COLEC10: variants seen among roughly 807,000 people sequenced by gnomAD.
COLEC10 encodes the protein collectin subfamily member 10, also known as collectin-10.
In COLEC10, 22 loss-of-function variants were observed where a neutral mutation model predicts 28.4. The observed-to-expected ratio is 0.78, with a 90% CI of 0.55 to 1.11. COLEC10 has a LOEUF of 1.11. Ranked by LOEUF, COLEC10 falls within the 50% of genes least tolerant of loss-of-function variation. The pLI, the probability that COLEC10 is intolerant of heterozygous loss-of-function variation, is 0.00. For synonymous variants in COLEC10, 125 were observed against 116.1 expected (o/e 1.08, Z -0.49); for missense variants, 361 against 344.1 (o/e 1.05, Z -0.39).
At chr8:119,011,115 C>T (rs184909819) in intron 2 of COLEC10, among the ~76,000 whole-genome samples, 4 of 150,988 alleles carry the variant, frequency 2.6e-5, no homozygotes, top group Non-Finnish European at 5.9e-5. Flanking sequence ...TTATAGTCTA[C>T]ATTTTACAAT....
chr8:119,061,400 A>G (rs2130196342), intron 2 of COLEC10, among the ~76,000 whole-genome samples: 1 of 149,592 alleles, frequency 6.7e-6, no homozygotes, highest in African/African-American at 2.4e-5. Flanking sequence ...TAAAAGGTCC[A>G]CATTAAGGCC....
At position 119,071,776 on chromosome 8, in the gene COLEC10, C is replaced by T. The variant is rs1031936141; in HGVS notation, c.148+4347C>T. 3.9e-4 allele frequency among the ~76,000 whole-genome samples: 60 copies of T among 152,088 alleles called. 1 individual carries two copies. The highest frequency in any genetic ancestry group is 2.2e-4 in the Non-Finnish European group (15 of 68,018). On this transcript the variant is annotated intron_variant, in intron 1 of 5. Transcript: ENST00000332843. ...AAGAGCTCCCGACACATAGTGGGTG[C>T]TCAATACATATTTTTGATTAAATGA... is the stretch of plus-strand genomic sequence containing the variant.
chr8:119,062,440 T>A (rs1253357156), upstream of COLEC10, among the ~76,000 whole-genome samples: 1 of 152,022 alleles, frequency 6.6e-6, no homozygotes, highest in East Asian at 1.9e-4. Context: ...ACCATTTGAC[T>A]TTTTTTAAAA....
intron 2 of COLEC10, among the ~76,000 whole-genome samples, chr8:119,012,454 T>A (rs915644891): frequency 1.3e-5 from 2 of 150,486 alleles, no homozygotes; most frequent in African/African-American, 2.5e-5. Context: ...TTGGTCTGGT[T>A]TTAGTGTTAG....
At chr8:118,965,959 TA>T in the COLEC10 span, among the ~76,000 whole-genome samples, 1 of 152,116 alleles carries the variant, frequency 6.6e-6, no homozygotes, top group Non-Finnish European at 1.5e-5. Context: ...AGTGAGGGGT[TA>T]AACTGAAATA....
the COLEC10 span, among the ~76,000 whole-genome samples, chr8:118,987,570 T>TA: frequency 2.0e-5 from 3 of 151,676 alleles, no homozygotes; most frequent in Non-Finnish European, 4.4e-5. Context: ...TCTCAAAAAA[T>TA]AAAAAAGAAA....
At chr8:119,013,721 C>T (rs540219416) in intron 2 of COLEC10, among the ~76,000 whole-genome samples, 1 of 150,566 alleles carries the variant, frequency 6.6e-6, no homozygotes, top group South Asian at 2.1e-4. Flanking sequence ...TTACGTAATG[C>T]CCCTCCTTTT....
At chr8:118,977,864 C>T in the COLEC10 span, among the ~76,000 whole-genome samples, 2 of 152,086 alleles carry the variant, frequency 1.3e-5, no homozygotes, top group South Asian at 4.1e-4. Flanking sequence ...ACCAGTCTCA[C>T]ACTCCTGTGA....
At chr8:119,090,090 AT>A (rs3214976) in intron 2 of COLEC10, among the ~76,000 whole-genome samples, 62,516 of 151,336 alleles carry the variant, frequency 0.41, 13,222 homozygotes, top group Middle Eastern at 0.47. Flanking sequence ...GCTAAGCAGC[AT>A]TTTTTTTTTA....
chr8:119,081,402 A>G (rs893901894), intron 1 of COLEC10, among the ~76,000 whole-genome samples: 4 of 152,146 alleles, frequency 2.6e-5, no homozygotes, highest in Non-Finnish European at 5.9e-5. Flanking sequence ...AGCTCTTTGC[A>G]TATTAAAAAT....
At chr8:119,024,110 C>T (rs1040354802) in intron 2 of COLEC10, among the ~76,000 whole-genome samples, 1 of 152,022 alleles carries the variant, frequency 6.6e-6, no homozygotes, top group Non-Finnish European at 1.5e-5. Context: ...GAAAAAGTGC[C>T]TTAAATTTTG....
intron 3 of COLEC10, among the ~76,000 whole-genome samples, chr8:119,094,570 G>A (rs1018024526): frequency 2.6e-5 from 4 of 152,130 alleles, no homozygotes; most frequent in African/African-American, 9.7e-5. Flanking sequence ...GAGGAGAAGG[G>A]AATCATACTA....
intron 1 of COLEC10, among the ~76,000 whole-genome samples, chr8:119,080,684 G>T (rs1815350358): frequency 6.6e-6 from 1 of 151,990 alleles, no homozygotes; most frequent in Admixed American, 6.6e-5. Flanking sequence ...ACCTATGTAA[G>T]GATGTATAAA....
intron 1 of COLEC10, 150 bp downstream of exon 1, chr8:119,067,579 G>A: frequency 1.5e-6 from 1 of 689,446 alleles, no homozygotes; most frequent in Non-Finnish European, 2.4e-6. Flanking sequence ...GGATTTTCCA[G>A]ATCTGGTCTG....
chr8:118,978,736 TAG>T, the COLEC10 span, among the ~76,000 whole-genome samples: 1 of 152,058 alleles, frequency 6.6e-6, no homozygotes, highest in Non-Finnish European at 1.5e-5. Flanking sequence ...AAAATTTAGA[TAG>T]ACAGTGTTAA....
chr8:119,093,734 AT>A (rs1417161233), intron 3 of COLEC10, among the ~76,000 whole-genome samples: 1 of 152,168 alleles, frequency 6.6e-6, no homozygotes, highest in East Asian at 1.9e-4. Context: ...TGAATTTTTA[AT>A]ACCACCCATG....
chr8:119,089,577 T>C, intron 1 of COLEC10, 103 bp from the exon 2 acceptor site: 1 of 862,572 alleles, frequency 1.2e-6, no homozygotes, highest in Non-Finnish European at 1.9e-6. Context: ...AGGCAAGCGC[T>C]GAGCTGAGGG....
chr8:119,010,764 C>T (rs1393170372), intron 2 of COLEC10, among the ~76,000 whole-genome samples: 1 of 151,074 alleles, frequency 6.6e-6, no homozygotes, highest in African/African-American at 2.5e-5. Context: ...TGAAGTAGAA[C>T]ACCTTTTCAT....
chr8:118,959,669 T>C, the COLEC10 span, among the ~76,000 whole-genome samples: 1 of 152,300 alleles, frequency 6.6e-6, no homozygotes, highest in Admixed American at 6.5e-5. Context: ...TTTTAAAGAA[T>C]GTTCATGCTA....
Sources: allele counts gnomAD v4.1 joint callset (sites outside exome capture counted in the v4.1 genomes callset), GRCh38; gene constraint gnomAD v4.1.1; transcripts MANE v1.5; gene names NCBI Gene and HGNC (gene_info 2026-07-23, HGNC 2026-07-21).